The following SCARB2 variants were observed in gnomAD, a reference collection of about 807,000 sequenced individuals.
The protein encoded by SCARB2 is scavenger receptor class B member 2, also known as lysosome membrane protein 2.
Under a neutral mutation model 58.6 loss-of-function variants are expected in SCARB2, and 29 were observed. The ratio of observed to expected loss-of-function variants is 0.49; its 90% CI spans 0.37 to 0.67. The LOEUF is 0.67. SCARB2 is among the 30% of genes least tolerant of loss of function. The pLI, the probability that SCARB2 is intolerant of heterozygous loss-of-function variation, is 0.00. For missense variants in SCARB2, 488 were observed against 578.5 expected (o/e 0.84, Z 1.60); for synonymous variants, 195 against 210.1 (o/e 0.93, Z 0.62).
intron 7 of SCARB2, chr4:76,173,937 T>G: frequency 1.6e-6 from 1 of 625,408 alleles, no homozygotes. Context: ...TCTTTTTTGT[T>G]TGTTTTGTTT....
At chr4:76,200,620 G>C (rs1172281396) in intron 1 of SCARB2, among the ~76,000 whole-genome samples, 1 of 152,124 alleles carries the variant, frequency 6.6e-6, no homozygotes, top group Non-Finnish European at 1.5e-5. Context: ...CATGTAACAG[G>C]GAGTGAAAAA....
At chr4:76,163,924 G>A (rs938440085) in intron 10 of SCARB2, 1 of 158,920 alleles carries the variant, frequency 6.3e-6, no homozygotes, top group Admixed American at 6.1e-5. Context: ...ATTAATGCTG[G>A]CTGATTAAAT....
intron 2 of SCARB2, among the ~76,000 whole-genome samples, chr4:76,188,851 C>G (rs1424038102): frequency 6.6e-6 from 1 of 152,212 alleles, no homozygotes; most frequent in Non-Finnish European, 1.5e-5. Flanking sequence ...ACGACCCACT[C>G]AGCCCTGTAA....
chr4:76,170,604 G>A (rs955272357), intron 7 of SCARB2, among the ~76,000 whole-genome samples: 2 of 151,938 alleles, frequency 1.3e-5, no homozygotes, highest in African/African-American at 4.8e-5. Context: ...TGCAGCCTCC[G>A]CCTCCCAGGT....
At chr4:76,219,990 C>T (rs747290207) in intron 1 of SCARB2, among the ~76,000 whole-genome samples, 1 of 152,152 alleles carries the variant, frequency 6.6e-6, no homozygotes, top group Non-Finnish European at 1.5e-5. Context: ...CAATGAAAAA[C>T]GTTTCAGAAT....
chr4:76,186,148 G>A (rs1378518903), intron 2 of SCARB2, among the ~76,000 whole-genome samples: 1 of 152,100 alleles, frequency 6.6e-6, no homozygotes, highest in African/African-American at 2.4e-5. Context: ...ACGCACTGTG[G>A]GCATACAGAG....
At chr4:76,203,268 C>T (rs1732865674) in intron 1 of SCARB2, among the ~76,000 whole-genome samples, 1 of 152,184 alleles carries the variant, frequency 6.6e-6, no homozygotes, top group Non-Finnish European at 1.5e-5. Context: ...AGGCACCACA[C>T]CTGGCCCAAA....
chr4:76,232,991 T>C (rs370296993), intron 1 of SCARB2, among the ~76,000 whole-genome samples: 33 of 152,202 alleles, frequency 2.2e-4, no homozygotes, highest in Admixed American at 1.6e-3. Flanking sequence ...CTTGCACCAG[T>C]TGTTTGAACC....
At chr4:76,196,556 C>T (rs1732716844) in intron 1 of SCARB2, among the ~76,000 whole-genome samples, 1 of 152,138 alleles carries the variant, frequency 6.6e-6, no homozygotes, top group Non-Finnish European at 1.5e-5. Flanking sequence ...AAGCACCATA[C>T]ACTCCCAGTT....
intron 1 of SCARB2, among the ~76,000 whole-genome samples, chr4:76,229,325 T>C (rs1828138): frequency 0.16 from 23,675 of 152,208 alleles, 2,124 homozygotes; most frequent in East Asian, 0.35. Flanking sequence ...ATCAACCTTC[T>C]GAATTCTTCA....
At chr4:76,228,537 G>A (rs565139516) in intron 1 of SCARB2, among the ~76,000 whole-genome samples, 1 of 151,734 alleles carries the variant, frequency 6.6e-6, no homozygotes, top group African/African-American at 2.4e-5. Context: ...ATTTCTTGTA[G>A]TGCTGGCTTG....
chr4:76,203,939 G>C (rs146682467), intron 1 of SCARB2, among the ~76,000 whole-genome samples: 33 of 152,312 alleles, frequency 2.2e-4, no homozygotes, highest in Middle Eastern at 3.4e-3. Flanking sequence ...TTCGGGATTC[G>C]AGAGCACTAC....
chr4:76,163,677 A>T (rs1354198861), intron 10 of SCARB2: 1 of 430,882 alleles, frequency 2.3e-6, no homozygotes, highest in Non-Finnish European at 4.3e-6. Flanking sequence ...GATAATTCCA[A>T]TTCATCCTTA....
chr4:76,183,668 A>G (rs1051339252), intron 2 of SCARB2, among the ~76,000 whole-genome samples: 2 of 152,156 alleles, frequency 1.3e-5, no homozygotes, highest in Non-Finnish European at 2.9e-5. Context: ...GGCATGATTG[A>G]TTAAATCACT....
chr4:76,173,182 C>A (rs1415595164), intron 7 of SCARB2: 1 of 152,192 alleles, frequency 6.6e-6, no homozygotes, highest in East Asian at 1.9e-4. Flanking sequence ...CTGCCTCATT[C>A]ATGGAAAGGA....
chr4:76,172,247 A>G (rs1464625339), intron 7 of SCARB2, among the ~76,000 whole-genome samples: 1 of 149,752 alleles, frequency 6.7e-6, no homozygotes, highest in East Asian at 1.9e-4. Context: ...ACGTATATAT[A>G]AACAATTTTT....
upstream of SCARB2, among the ~76,000 whole-genome samples, chr4:76,214,778 T>G (rs915868442): frequency 1.3e-5 from 2 of 152,170 alleles, no homozygotes; most frequent in Non-Finnish European, 2.9e-5. Context: ...CCCTTGGCAG[T>G]CCTATGAATA....
intron 6 of SCARB2, chr4:76,175,511 C>G (rs1052387866): frequency 2.3e-6 from 1 of 433,198 alleles, no homozygotes; most frequent in Non-Finnish European, 4.3e-6. Context: ...CAATTTCTAT[C>G]TTTGTTTTAC....
At chr4:76,202,668 T>G (rs1560719130) in intron 1 of SCARB2, among the ~76,000 whole-genome samples, 1 of 152,250 alleles carries the variant, frequency 6.6e-6, no homozygotes, top group African/African-American at 2.4e-5. Context: ...GAACAAAATT[T>G]AAATCCCCTG....
Sources: gnomAD v4.1 joint callset for allele counts (sites outside exome capture counted in the v4.1 genomes callset) on GRCh38, gnomAD v4.1.1 for gene constraint, MANE v1.5 for transcripts, NCBI Gene and HGNC (gene_info 2026-07-23, HGNC 2026-07-21) for gene names.